Variants in RARB observed in about 807,000 individuals in gnomAD.
The protein encoded by RARB is retinoic acid receptor beta, also known as HBV-activated protein.
RARB carries 17 observed loss-of-function variants against 51.9 expected under a neutral mutation model. That is an observed-to-expected ratio of 0.33 (90% confidence interval 0.22 to 0.49). The LOEUF (loss-of-function observed/expected upper bound fraction) is 0.49. Ranked by LOEUF, RARB falls within the 20% of genes least tolerant of loss-of-function variation. The pLI, the probability that RARB is intolerant of heterozygous loss-of-function variation, is 0.99. For missense variants in RARB, 369 were observed against 550.8 expected (o/e 0.67, Z 3.30); for synonymous variants, 215 against 195.4 (o/e 1.10, Z -0.84).
intron 5 of RARB, among the ~76,000 whole-genome samples, chr3:25,583,461 C>T (rs1200893059): frequency 7.2e-5 from 11 of 152,224 alleles, no homozygotes; most frequent in East Asian, 1.9e-4. Context: ...CCACGTGTCT[C>T]GTGTTGTGTG....
chr3:25,274,714 T>C (rs148192925), intron 5 of RARB, among the ~76,000 whole-genome samples: 2 of 152,328 alleles, frequency 1.3e-5, no homozygotes, highest in Non-Finnish European at 2.9e-5. Context: ...GACTTGACTT[T>C]CTTCCGCATG....
intron 2 of RARB, among the ~76,000 whole-genome samples, chr3:25,477,573 A>G (rs1230916854): frequency 1.3e-5 from 2 of 152,236 alleles, no homozygotes; most frequent in Non-Finnish European, 2.9e-5. Flanking sequence ...TGCATACTGC[A>G]GTTTATTGAG....
intron 5 of RARB, among the ~76,000 whole-genome samples, chr3:25,227,700 T>A (rs1459031815): frequency 6.6e-5 from 10 of 152,160 alleles, no homozygotes; most frequent in Non-Finnish European, 1.5e-4. Flanking sequence ...TTTATTATCA[T>A]AATTCCAATA....
chr3:25,478,230 A>T (rs1484310185), intron 2 of RARB, among the ~76,000 whole-genome samples: 1 of 152,178 alleles, frequency 6.6e-6, no homozygotes, highest in Non-Finnish European at 1.5e-5. Context: ...GTACAAGAGG[A>T]GGGGACATAA....
At chr3:24,918,915 TAAA>T (rs1228163086) in intron 2 of RARB, among the ~76,000 whole-genome samples, 3 of 151,914 alleles carry the variant, frequency 2.0e-5, no homozygotes, top group African/African-American at 7.2e-5. Flanking sequence ...ATTAAATAAA[TAAA>T]AAACTTAGAC....
At chr3:25,000,433 A>G (rs1225756072) in intron 2 of RARB, among the ~76,000 whole-genome samples, 1 of 152,172 alleles carries the variant, frequency 6.6e-6, no homozygotes, top group Non-Finnish European at 1.5e-5. Flanking sequence ...ACTTACTTAC[A>G]GAGAGAAATC....
intron 5 of RARB, among the ~76,000 whole-genome samples, chr3:25,373,226 T>G (rs1312131647): frequency 6.6e-6 from 1 of 152,068 alleles, no homozygotes; most frequent in Non-Finnish European, 1.5e-5. Flanking sequence ...TGGATGGTAT[T>G]TAAAGCCATC....
chr3:25,023,775 C>T (rs1383650080), intron 2 of RARB, among the ~76,000 whole-genome samples: 7 of 152,068 alleles, frequency 4.6e-5, no homozygotes, highest in African/African-American at 7.2e-5. Flanking sequence ...TAGATTAGAG[C>T]GGCTATCTAA....
intron 5 of RARB, among the ~76,000 whole-genome samples, chr3:25,261,322 T>A (rs1702992008): frequency 6.6e-6 from 1 of 152,090 alleles, no homozygotes; most frequent in Non-Finnish European, 1.5e-5. Context: ...TGAAACTCTC[T>A]ATTCCCTTGG....
intron 1 of RARB, among the ~76,000 whole-genome samples, chr3:24,852,648 C>A (rs1390631531): frequency 1.3e-5 from 2 of 152,180 alleles, no homozygotes; most frequent in East Asian, 1.9e-4. Context: ...TATATCTATA[C>A]AATTAATTGT....
At chr3:25,268,695 C>T (rs1379788413) in intron 5 of RARB, among the ~76,000 whole-genome samples, 1 of 152,134 alleles carries the variant, frequency 6.6e-6, no homozygotes, top group Non-Finnish European at 1.5e-5. Flanking sequence ...CACTTTTACC[C>T]ATTGTTCACT....
rs575023405 is a variant in RARB, at chr3:24,839,431, G to T, written c.-459+10028G>T. Among the ~76,000 whole-genome samples, 3 of 151,848 alleles carry T rather than the reference G, an allele frequency of 2.0e-5. No homozygotes were observed. The East Asian group carries it at 5.8e-4, about 29-fold the overall frequency. ...AAAAAATGGGAAGGAAGCCAGGCAT[G>T]GTGGCTCATGCCTATGATCCCGACA... On this transcript the variant is annotated intron_variant, in intron 1 of 11. Coordinates refer to the RARB transcript ENST00000383772.
intron 3 of RARB, among the ~76,000 whole-genome samples, chr3:25,119,034 C>G (rs1192846634): frequency 6.6e-6 from 1 of 152,144 alleles, no homozygotes; most frequent in South Asian, 2.1e-4. Flanking sequence ...TTTAAAGTTT[C>G]CATTAAAATT....
At chr3:25,064,519 G>A (rs1049263101) in intron 3 of RARB, among the ~76,000 whole-genome samples, 3 of 152,032 alleles carry the variant, frequency 2.0e-5, no homozygotes, top group Non-Finnish European at 2.9e-5. Flanking sequence ...TAGAATTACC[G>A]AGAGACAGTT....
chr3:25,442,975 A>C (rs1345478825), intron 1 of RARB, among the ~76,000 whole-genome samples: 1 of 152,082 alleles, frequency 6.6e-6, no homozygotes, highest in Non-Finnish European at 1.5e-5. Context: ...GGAGGCAGAG[A>C]GGAACTGGCC....
chr3:24,887,653 C>T (rs756309099), intron 2 of RARB, among the ~76,000 whole-genome samples: 3 of 152,200 alleles, frequency 2.0e-5, no homozygotes, highest in African/African-American at 7.2e-5. Context: ...TCTCACAGCT[C>T]CTCCTGCTAG....
intron 3 of RARB, among the ~76,000 whole-genome samples, chr3:25,523,232 T>G (rs980599482): frequency 6.6e-5 from 10 of 152,212 alleles, no homozygotes; most frequent in African/African-American, 2.4e-4. Flanking sequence ...TTCTCTGCCC[T>G]TGTTTGTACT....
At chr3:25,457,305 C>T (rs1270816336) in intron 1 of RARB, among the ~76,000 whole-genome samples, 2 of 152,114 alleles carry the variant, frequency 1.3e-5, no homozygotes, top group Admixed American at 1.3e-4. Context: ...TATCATTGCC[C>T]ATAGCGTATA....
intron 3 of RARB, among the ~76,000 whole-genome samples, chr3:25,119,553 A>G (rs1178590242): frequency 6.6e-6 from 1 of 152,034 alleles, no homozygotes; most frequent in Non-Finnish European, 1.5e-5. Flanking sequence ...ACCCCCATCC[A>G]TCTTTCAAAT....
Sources: allele counts gnomAD v4.1 joint callset (sites outside exome capture counted in the v4.1 genomes callset), GRCh38; gene constraint gnomAD v4.1.1; transcripts MANE v1.5; gene names NCBI Gene and HGNC (gene_info 2026-07-23, HGNC 2026-07-21).